ADGRB3: variants seen among roughly 807,000 people sequenced by gnomAD.
ADGRB3 encodes brain-specific angiogenesis inhibitor 3.
A neutral mutation model predicts 193.4 loss-of-function variants in ADGRB3; 37 were observed. The observed-to-expected ratio is 0.19, with a 90% CI of 0.15 to 0.25. The LOEUF (loss-of-function observed/expected upper bound fraction) is 0.25. Ranked by LOEUF, ADGRB3 falls within the 10% of genes least tolerant of loss-of-function variation. The pLI, the probability that ADGRB3 is intolerant of heterozygous loss-of-function variation, is 1.00. For missense variants in ADGRB3, 1,637 were observed against 1,852.9 expected (o/e 0.88, Z 2.14); for synonymous variants, 690 against 644.2 (o/e 1.07, Z -1.08).
chr6:68,884,181 AC>A (rs1328110607), intron 3 of ADGRB3, among the ~76,000 whole-genome samples: 1 of 152,168 alleles, frequency 6.6e-6, no homozygotes, highest in African/African-American at 2.4e-5. Context: ...ATAGGCTTTA[AC>A]ATATACTCTT....
intron 11 of ADGRB3, among the ~76,000 whole-genome samples, chr6:69,010,586 T>C (rs1248703119): frequency 6.6e-6 from 1 of 152,024 alleles, no homozygotes; most frequent in Non-Finnish European, 1.5e-5. Context: ...GTAGCTATTA[T>C]TACTCTTGTA....
chr6:68,682,138 T>C (rs1467170984), intron 3 of ADGRB3, among the ~76,000 whole-genome samples: 1 of 152,216 alleles, frequency 6.6e-6, no homozygotes, highest in African/African-American at 2.4e-5. Flanking sequence ...GCTGAATCTT[T>C]CTTTCCAAAA....
intron 17 of ADGRB3, among the ~76,000 whole-genome samples, chr6:69,232,147 C>T (rs1336770736): frequency 6.6e-6 from 1 of 152,230 alleles, no homozygotes; most frequent in Non-Finnish European, 1.5e-5. Context: ...AATTTAAACA[C>T]ACACACATAC....
At chr6:68,668,200 G>C (rs1768847998) in intron 3 of ADGRB3, among the ~76,000 whole-genome samples, 1 of 151,972 alleles carries the variant, frequency 6.6e-6, no homozygotes, top group African/African-American at 2.4e-5. Flanking sequence ...AGCATCAATA[G>C]TGGAATGATC....
intron 17 of ADGRB3, chr6:69,232,901 T>C: frequency 4.0e-6 from 2 of 498,920 alleles, no homozygotes; most frequent in South Asian, 5.6e-5. Flanking sequence ...GGTAGAAAAA[T>C]ATGAAAAGCC....
At chr6:68,881,577 A>C (rs920958905) in intron 3 of ADGRB3, among the ~76,000 whole-genome samples, 7 of 152,186 alleles carry the variant, frequency 4.6e-5, no homozygotes, top group African/African-American at 1.4e-4. Flanking sequence ...GGGATAAGTC[A>C]TGACAAAAAT....
intron 16 of ADGRB3, among the ~76,000 whole-genome samples, chr6:69,068,488 A>G (rs1771974793): frequency 6.6e-6 from 1 of 152,170 alleles, no homozygotes; most frequent in Non-Finnish European, 1.5e-5. Context: ...GCTGAGAGGT[A>G]CACCAGACTT....
At chr6:69,363,373 G>A (rs2127334081) in intron 29 of ADGRB3, among the ~76,000 whole-genome samples, 1 of 152,092 alleles carries the variant, frequency 6.6e-6, no homozygotes, top group South Asian at 2.1e-4. Flanking sequence ...AGCAGAAAGA[G>A]AATATATAGA....
intron 17 of ADGRB3, chr6:69,232,606 T>G: frequency 6.5e-7 from 1 of 1,535,526 alleles, no homozygotes; most frequent in Non-Finnish European, 8.7e-7. Context: ...CTGGACTGAG[T>G]GAAGTGTGGA....
chr6:69,184,668 A>T (rs1765032662), intron 17 of ADGRB3, among the ~76,000 whole-genome samples: 3 of 152,124 alleles, frequency 2.0e-5, no homozygotes, highest in Admixed American at 2.0e-4. Flanking sequence ...TGTTTTCAAA[A>T]GAGCAGGTGG....
At chr6:69,223,343 T>C (rs1765939776) in intron 17 of ADGRB3, among the ~76,000 whole-genome samples, 1 of 152,190 alleles carries the variant, frequency 6.6e-6, no homozygotes, top group Non-Finnish European at 1.5e-5. Context: ...CCAGAACTAA[T>C]GAAGCAGAGT....
intron 15 of ADGRB3, among the ~76,000 whole-genome samples, chr6:69,060,449 A>C (rs373075091): frequency 6.6e-6 from 1 of 152,066 alleles, no homozygotes; most frequent in East Asian, 1.9e-4. Flanking sequence ...CCAAACACAC[A>C]GGGAGCTTCA....
At chr6:68,999,306 C>A (rs1407695224) in intron 11 of ADGRB3, among the ~76,000 whole-genome samples, 1 of 150,840 alleles carries the variant, frequency 6.6e-6, no homozygotes, top group Admixed American at 6.6e-5. Context: ...GCACTGTCGC[C>A]CAGGCTGGAG....
intron 24 of ADGRB3, among the ~76,000 whole-genome samples, chr6:69,336,853 A>T (rs145326337): frequency 6.6e-6 from 1 of 152,148 alleles, no homozygotes; most frequent in Non-Finnish European, 1.5e-5. Flanking sequence ...TAGTGGTCAC[A>T]TAAACTAGGA....
chr6:69,276,207 C>T (rs1470180510), intron 20 of ADGRB3, among the ~76,000 whole-genome samples: 1 of 152,130 alleles, frequency 6.6e-6, no homozygotes, highest in Non-Finnish European at 1.5e-5. Context: ...TGAAATGTCT[C>T]CATTTATGCT....
chr6:68,715,645 A>G (rs1765476893), intron 3 of ADGRB3, among the ~76,000 whole-genome samples: 1 of 151,856 alleles, frequency 6.6e-6, no homozygotes, highest in African/African-American at 2.4e-5. Context: ...GAAATTGTTT[A>G]GTAAATGTAT....
intron 13 of ADGRB3, among the ~76,000 whole-genome samples, chr6:69,032,326 C>T (rs1043592237): frequency 1.1e-4 from 17 of 152,124 alleles, no homozygotes; most frequent in African/African-American, 4.1e-4. Context: ...TAAAATATTA[C>T]TTCTGATTTT....
intron 3 of ADGRB3, among the ~76,000 whole-genome samples, chr6:68,758,206 T>A (rs1766333095): frequency 1.3e-5 from 2 of 152,094 alleles, no homozygotes; most frequent in Non-Finnish European, 2.9e-5. Flanking sequence ...GTTTAACACA[T>A]TTTTGGTACA....
intron 3 of ADGRB3, among the ~76,000 whole-genome samples, chr6:68,859,186 T>A (rs2150213671): frequency 6.6e-6 from 1 of 152,346 alleles, no homozygotes; most frequent in East Asian, 1.9e-4. Flanking sequence ...ATAGCAAGCA[T>A]GATCTTTACT....
Sources: allele counts gnomAD v4.1 joint callset (sites outside exome capture counted in the v4.1 genomes callset), GRCh38; gene constraint gnomAD v4.1.1; transcripts MANE v1.5; gene names NCBI Gene and HGNC (gene_info 2026-07-23, HGNC 2026-07-21).